XPO6: variants seen among roughly 807,000 people sequenced by gnomAD.
XPO6 encodes the protein exportin-6.
In XPO6, 3 loss-of-function variants were observed where a neutral mutation model predicts 130.0. The ratio of observed to expected loss-of-function variants is 0.02; its 90% confidence interval spans 0.01 to 0.06. XPO6 has a LOEUF of 0.06. Among genes scored for constraint, XPO6 ranks in the 10% least tolerant of loss-of-function variants. The pLI is 1.00. For synonymous variants in XPO6, 524 were observed against 548.9 expected (o/e 0.95, Z 0.63); for missense variants, 970 against 1,393.0 (o/e 0.70, Z 4.83).
In XPO6 at chr16:28,101,686, C is replaced by T; in HGVS notation, c.3048G>A (p.Lys1016=). ...LNTKQKLYHK[K]IFRTAMLFQF... ...GGAACAGCATGGCAGTCCGGAAGAT[C>T]TTCTGCAGGCAGAGAGACCAGGTGA... Residue 1016 remains lysine, a splice_region_variant and synonymous_variant, in exon 23 of 24, where the codon AAG becomes AAA. Coordinates refer to ENST00000304658, the MANE Select transcript of XPO6 (RefSeq NM_015171.4). The surrounding 1 kb of genome is among the most constrained non-coding windows in gnomAD (Gnocchi z 5.4). 1 of 1,605,146 alleles carries T rather than the reference C, an allele frequency of 6.2e-7. No homozygotes were observed. Among genetic ancestry groups the T allele is most frequent in the Non-Finnish European group, 8.5e-7 (1 of 1,173,062 alleles).
intron 10 of XPO6, 89 bp downstream of exon 10, chr16:28,135,127 G>C: frequency 9.5e-6 from 10 of 1,055,926 alleles, no homozygotes; most frequent in Non-Finnish European, 1.4e-5. Flanking sequence ...AACAGTCTTC[G>C]GAGCAGAGGG....
intron 12 of XPO6, among the ~76,000 whole-genome samples, chr16:28,127,570 C>T (rs138324795): frequency 6.6e-6 from 1 of 152,252 alleles, no homozygotes; most frequent in Non-Finnish European, 1.5e-5. Context: ...CCTGGGAATA[C>T]TGGCATGTAT....
chr16:28,204,669 C>T (rs1008794420), intron 1 of XPO6, among the ~76,000 whole-genome samples: 2 of 152,060 alleles, frequency 1.3e-5, no homozygotes, highest in Non-Finnish European at 2.9e-5. Flanking sequence ...GCACTAAGTT[C>T]GAGGCCTAGA....
intron 1 of XPO6, among the ~76,000 whole-genome samples, chr16:28,210,571 G>C (rs890399945): frequency 6.6e-6 from 1 of 152,230 alleles, no homozygotes; most frequent in Admixed American, 6.5e-5. Context: ...GCTTAACAAA[G>C]AGATGTGGGT....
Position 28,132,216 on chromosome 16 carries a change from C to A in XPO6, c.1606+118G>T. 1.3e-6 allele frequency: 1 copy of A among 761,718 alleles called. No individual in the cohort carries two copies. Among genetic ancestry groups the A allele is most frequent in the Non-Finnish European group, 2.2e-6 (1 of 456,362 alleles). 47.2% of individuals were successfully genotyped at this position (761,718 alleles called of 1,614,324 possible). The stretch of plus-strand genomic sequence containing the variant: ...CCCTGTTTCGAAGTGGGGAGAGATG[C>A]CAGTGGGGAGGCTGCAGTGAAGAAA... On this transcript the variant is annotated intron_variant, in intron 12 of 23. Coordinates refer to ENST00000304658, the MANE Select transcript of XPO6 (RefSeq NM_015171.4). This position sits in a 1 kb window ranked among gnomAD's most constrained non-coding sequence, Gnocchi z 4.0.
chr16:28,206,893 G>C (rs2044039651), intron 1 of XPO6, among the ~76,000 whole-genome samples: 1 of 152,136 alleles, frequency 6.6e-6, no homozygotes, highest in Non-Finnish European at 1.5e-5. Flanking sequence ...TGCCATGTGA[G>C]TGGCTAAATT....
At chr16:28,159,493 AG>A (rs1330133167) in intron 6 of XPO6, among the ~76,000 whole-genome samples, 3 of 152,228 alleles carry the variant, frequency 2.0e-5, no homozygotes, top group African/African-American at 7.2e-5. Context: ...GCAAAAACTC[AG>A]GTAACTCCAC....
chr16:28,187,738 T>C (rs1191566112), intron 1 of XPO6, among the ~76,000 whole-genome samples: 5 of 149,888 alleles, frequency 3.3e-5, no homozygotes, highest in African/African-American at 7.4e-5. Context: ...CTCAACTATC[T>C]TAAAGACCAA....
intron 21 of XPO6, among the ~76,000 whole-genome samples, chr16:28,104,322 G>C (rs140641128): frequency 3.1e-4 from 47 of 152,328 alleles, no homozygotes; most frequent in African/African-American, 1.0e-3. Flanking sequence ...CATGCACTTT[G>C]TGTATGTCAT....
chr16:28,193,898 CCTT>C (rs1318009809), intron 1 of XPO6, among the ~76,000 whole-genome samples: 9 of 152,130 alleles, frequency 5.9e-5, no homozygotes, highest in African/African-American at 1.7e-4. Flanking sequence ...AATCCAACAC[CCTT>C]CTTCTTCCTG....
At position 28,104,552 on chromosome 16, in the gene XPO6, G is replaced by C. The variant is rs765572341; in HGVS notation, c.2940C>G (p.Ile980Met). Residue 980 changes from isoleucine (I) to methionine (M), a missense_variant, in exon 21 of 24, where the codon ATC becomes ATG. Physicochemically the swap from Ile to Met is conservative, Grantham distance 10 (BLOSUM62 1). Coordinates refer to ENST00000304658, the MANE Select transcript of XPO6 (RefSeq NM_015171.4). ...AACCCCGCCCCCACGTTACCTGCAT[G>C]ATGGCACTGAACTGGGGCTCATTCT... Reference protein sequence around the residue: ...QMENEPQFSAIMQAFGQSFLQ... With the variant: ...QMENEPQFSAMMQAFGQSFLQ... 7 of 1,614,084 alleles carry C rather than the reference G, an allele frequency of 4.3e-6. No homozygotes were observed. Among genetic ancestry groups the C allele is most frequent in the Non-Finnish European group, 5.9e-6 (7 of 1,180,042 alleles).
chr16:28,197,259 A>C (rs879799450), intron 1 of XPO6, among the ~76,000 whole-genome samples: 27 of 152,158 alleles, frequency 1.8e-4, no homozygotes, highest in Non-Finnish European at 3.1e-4. Flanking sequence ...CTCAAAAAAA[A>C]ATAATGTGTA....
chr16:28,199,100 A>C (rs564314661), intron 1 of XPO6, among the ~76,000 whole-genome samples: 1 of 152,094 alleles, frequency 6.6e-6, no homozygotes, highest in Non-Finnish European at 1.5e-5. Flanking sequence ...AGATCGTGCC[A>C]TTGCACTACA....
chr16:28,117,532 A>C, intron 14 of XPO6, 70 bp from the exon 15 acceptor site: 1 of 1,551,694 alleles, frequency 6.4e-7, no homozygotes, highest in South Asian at 1.2e-5. Context: ...ACTCATTTTC[A>C]TAGGAGGTAA....
chr16:28,173,673 A>T (rs973811066), intron 4 of XPO6, among the ~76,000 whole-genome samples: 1 of 152,198 alleles, frequency 6.6e-6, no homozygotes, highest in Non-Finnish European at 1.5e-5. Flanking sequence ...CTTCTACTAC[A>T]TGGTGTTTCA....
rs188674501 is a variant in XPO6, at chr16:28,138,194, C to T, written c.1335-2870G>A. Among the ~76,000 whole-genome samples, 34 of 152,244 alleles carry T rather than the reference C, an allele frequency of 2.2e-4. 1 individual carries two copies. In the East Asian group the frequency reaches 5.8e-3, roughly 26 times the overall value. ...AACTCCATAGAAAGGTAAGATCAAA[C>T]ATTTAGGCCTAGAGTTTATGTTTTT... On this transcript the variant is annotated intron_variant, in intron 9 of 23. Coordinates refer to ENST00000304658, the MANE Select transcript of XPO6 (RefSeq NM_015171.4).
At chr16:28,117,108 G>A (rs959993230) in intron 15 of XPO6, 10 of 562,572 alleles carry the variant, frequency 1.8e-5, no homozygotes, top group Non-Finnish European at 3.0e-5. Context: ...ATGTATTCAT[G>A]TGGAACTCAG....
At chr16:28,144,924 G>C (rs1326527934) in intron 9 of XPO6, among the ~76,000 whole-genome samples, 1 of 152,128 alleles carries the variant, frequency 6.6e-6, no homozygotes, top group Non-Finnish European at 1.5e-5. Flanking sequence ...GCGATTCCCC[G>C]TCATGGCTTC....
chr16:28,168,220 C>A (rs1202071921), intron 5 of XPO6, among the ~76,000 whole-genome samples: 1 of 152,158 alleles, frequency 6.6e-6, no homozygotes, highest in African/African-American at 2.4e-5. Flanking sequence ...CACAGTGGCT[C>A]ATGCCTGTAA....
Sources: allele counts gnomAD v4.1 joint callset (sites outside exome capture counted in the v4.1 genomes callset), GRCh38; gene constraint gnomAD v4.1.1; non-coding constraint Gnocchi (gnomAD v3.1); transcripts MANE v1.5; gene names NCBI Gene and HGNC (gene_info 2026-07-23, HGNC 2026-07-21).